FRMD5: variants seen among roughly 807,000 people sequenced by gnomAD.
The protein encoded by FRMD5 is FERM domain containing 5, also known as FERM domain-containing protein 5.
Under a neutral mutation model 69.0 loss-of-function variants are expected in FRMD5, and 20 were observed. That is an observed-to-expected ratio of 0.29 (90% confidence interval 0.20 to 0.42). FRMD5 has a LOEUF of 0.42. FRMD5 is among the 10% of genes least tolerant of loss of function. FRMD5 has a pLI of 1.00. For synonymous variants in FRMD5, 271 were observed against 260.1 expected, an observed-to-expected ratio of 1.04 and a Z score of -0.40; for missense variants, 595 against 708.6, an observed-to-expected ratio of 0.84 and a Z score of 1.82.
intron 1 of FRMD5, among the ~76,000 whole-genome samples, chr15:44,041,361 C>T (rs1892182821): frequency 6.6e-6 from 1 of 152,088 alleles, no homozygotes; most frequent in South Asian, 2.1e-4. Flanking sequence ...CTACAGAACT[C>T]TCTACCCCAA....
intron 1 of FRMD5, among the ~76,000 whole-genome samples, chr15:44,162,442 T>C (rs1203626760): frequency 1.3e-5 from 2 of 152,162 alleles, no homozygotes; most frequent in Non-Finnish European, 2.9e-5. Flanking sequence ...TACATTACTT[T>C]GCCTAACACT....
intron 1 of FRMD5, among the ~76,000 whole-genome samples, chr15:44,123,145 G>A (rs1342741469): frequency 1.3e-4 from 19 of 151,918 alleles, no homozygotes; most frequent in Non-Finnish European, 4.4e-5. Context: ...AGGAGTTTGA[G>A]ACCAGCCTGG....
chr15:44,181,480 G>T (rs1461014919), intron 1 of FRMD5, among the ~76,000 whole-genome samples: 1 of 151,952 alleles, frequency 6.6e-6, no homozygotes, highest in Non-Finnish European at 1.5e-5. Flanking sequence ...ATCAAAACCA[G>T]GAAATTTACA....
chr15:44,084,236 C>T (rs1056144417), intron 1 of FRMD5, among the ~76,000 whole-genome samples: 3 of 152,012 alleles, frequency 2.0e-5, no homozygotes, highest in Non-Finnish European at 2.9e-5. Flanking sequence ...CCTATCTTTA[C>T]ATTATACATA....
intron 1 of FRMD5, among the ~76,000 whole-genome samples, chr15:44,138,745 TTATAAA>T (rs2077223011): frequency 6.6e-6 from 1 of 152,082 alleles, no homozygotes; most frequent in Admixed American, 6.6e-5. Context: ...CAATTACAGA[TTATAAA>T]TAAATTATGA....
chr15:44,190,365 G>A (rs758977693), intron 1 of FRMD5, among the ~76,000 whole-genome samples: 6 of 152,152 alleles, frequency 3.9e-5, no homozygotes, highest in Non-Finnish European at 8.8e-5. Flanking sequence ...AAAGTGTGAA[G>A]GAAACTTCTG....
chr15:44,018,334 G>A (rs2140243172), intron 1 of FRMD5, among the ~76,000 whole-genome samples: 1 of 152,250 alleles, frequency 6.6e-6, no homozygotes, highest in African/African-American at 2.4e-5. Flanking sequence ...TGCCTCAGTG[G>A]GATTTAGGTA....
At chr15:43,915,844 C>A (rs1002735591) in intron 4 of FRMD5, among the ~76,000 whole-genome samples, 1 of 152,168 alleles carries the variant, frequency 6.6e-6, no homozygotes, top group African/African-American at 2.4e-5. Flanking sequence ...AAAAAACACA[C>A]TGACAGCTAA....
intron 1 of FRMD5, among the ~76,000 whole-genome samples, chr15:44,191,657 C>T (rs531833692): frequency 2.4e-4 from 37 of 151,364 alleles, no homozygotes; most frequent in African/African-American, 9.0e-4. Flanking sequence ...TTCTGTAGTC[C>T]CAACTACTTG....
chr15:44,064,906 T>A (rs1893245562), intron 1 of FRMD5, among the ~76,000 whole-genome samples: 1 of 152,228 alleles, frequency 6.6e-6, no homozygotes, highest in Admixed American at 6.5e-5. Flanking sequence ...GCTCACAGTA[T>A]CATGGGTATA....
At chr15:44,023,238 C>G (rs1891290073) in intron 1 of FRMD5, among the ~76,000 whole-genome samples, 2 of 152,172 alleles carry the variant, frequency 1.3e-5, no homozygotes, top group Non-Finnish European at 2.9e-5. Flanking sequence ...CCCATTTCCC[C>G]TCAATTTCCC....
intron 1 of FRMD5, among the ~76,000 whole-genome samples, chr15:43,943,998 G>A (rs765597724): frequency 6.6e-6 from 1 of 152,174 alleles, no homozygotes; most frequent in Non-Finnish European, 1.5e-5. Context: ...TTGTTATTTT[G>A]CACTTGGGGC....
intron 1 of FRMD5, among the ~76,000 whole-genome samples, chr15:44,133,558 CA>C (rs1259632446): frequency 7.6e-5 from 8 of 105,498 alleles, no homozygotes; most frequent in South Asian, 3.1e-4. Flanking sequence ...GCCTGGGCAA[CA>C]GAGTGAGAAT....
chr15:44,182,073 C>T lies in FRMD5; in HGVS notation c.102+12880G>A, dbSNP rs146554039. ...TCGCCCAGGCTGAAGTCTAGTGGTGCGATCTCGGCTCACTGCAACCTCCAT... is the reference window on the plus strand; with the variant it reads ...TCGCCCAGGCTGAAGTCTAGTGGTGTGATCTCGGCTCACTGCAACCTCCAT... On this transcript the variant is annotated intron_variant, in intron 1 of 13. Coordinates refer to ENST00000417257, the MANE Select transcript of FRMD5 (RefSeq NM_032892.5). Among the ~76,000 whole-genome samples, 341 of 150,204 alleles carry T rather than the reference C, an allele frequency of 2.3e-3. 2 individuals carry two copies. The highest frequency in any genetic ancestry group is 7.3e-3 in the African/African-American group (296 of 40,786).
At chr15:44,019,631 G>C (rs201331771) in intron 1 of FRMD5, among the ~76,000 whole-genome samples, 1 of 151,066 alleles carries the variant, frequency 6.6e-6, no homozygotes, top group Non-Finnish European at 1.5e-5. Context: ...CAGCTACTTG[G>C]GAGGCTGAGG....
intron 13 of FRMD5, among the ~76,000 whole-genome samples, chr15:43,880,445 GA>G: frequency 6.6e-6 from 1 of 152,276 alleles, no homozygotes; most frequent in Admixed American, 6.5e-5. Context: ...CCCTCCTCTT[GA>G]AAGACGTTGC....
chr15:43,931,631 G>A (rs2140466084), intron 1 of FRMD5, among the ~76,000 whole-genome samples: 1 of 151,666 alleles, frequency 6.6e-6, no homozygotes, highest in South Asian at 2.1e-4. Flanking sequence ...GGCAAAATCT[G>A]GGAATTTCTG....
At chr15:43,886,824 A>G (rs1450874176) in intron 10 of FRMD5, among the ~76,000 whole-genome samples, 1 of 152,216 alleles carries the variant, frequency 6.6e-6, no homozygotes, top group Non-Finnish European at 1.5e-5. Context: ...CACTGAGGGC[A>G]AGGCCAAAGC....
At position 44,108,396 on chromosome 15, in the gene FRMD5, G is replaced by A. The variant is rs184774800; in HGVS notation, c.102+86557C>T. Among the ~76,000 whole-genome samples the A allele has an allele frequency of 2.2e-3, 336 of 152,152 alleles. 2 individuals are homozygous for A. The highest frequency in any genetic ancestry group is 7.8e-3 in the African/African-American group (322 of 41,514). ...GCGGTGGCTCATGCCTGTAATCCCA[G>A]CACTTTGGGAGGCCAAGGCAGGCGG... On this transcript the variant is annotated intron_variant, in intron 1 of 13. Transcript: ENST00000417257.
Sources: gnomAD v4.1 joint callset for allele counts (sites outside exome capture counted in the v4.1 genomes callset) on GRCh38, gnomAD v4.1.1 for gene constraint, MANE v1.5 for transcripts, NCBI Gene and HGNC (gene_info 2026-07-23, HGNC 2026-07-21) for gene names.